Variants in PKNOX2 observed in about 807,000 individuals in gnomAD.
PKNOX2 encodes homeobox protein PKNOX2.
PKNOX2 carries 14 observed loss-of-function variants against 53.1 expected under a neutral mutation model. The observed-to-expected ratio is 0.26, with a 90% confidence interval of 0.17 to 0.41. The LOEUF (loss-of-function observed/expected upper bound fraction) is 0.41. PKNOX2 is among the 10% of genes least tolerant of loss of function. The pLI, the probability that PKNOX2 is intolerant of heterozygous loss-of-function variation, is 1.00. For missense variants in PKNOX2, 496 were observed against 602.8 expected (o/e 0.82, Z 1.85); for synonymous variants, 257 against 242.8 (o/e 1.06, Z -0.54).
rs1448538959 is a variant in PKNOX2, at chr11:125,430,142, G to A, written c.1192+1G>A. ...GGTGCCCCAGGGACAAACCCCGATG[G>A]TAAGAACTGGGGCTGAGTGCACCCT... On this transcript the variant is annotated splice_donor_variant, in intron 12 of 12. Coordinates refer to ENST00000298282, the MANE Select transcript of PKNOX2 (RefSeq NM_001382323.2). LOFTEE classifies it high-confidence loss of function. 1 of 1,613,710 alleles carries A rather than the reference G, an allele frequency of 6.2e-7. No homozygotes were observed. Among genetic ancestry groups the A allele is most frequent in the Non-Finnish European group, 8.5e-7 (1 of 1,179,776 alleles).
At chr11:125,207,968 CACTGAATGGAATTCTG>C (rs1939341711) in intron 1 of PKNOX2, among the ~76,000 whole-genome samples, 4 of 151,978 alleles carry the variant, frequency 2.6e-5, no homozygotes, top group Admixed American at 2.6e-4. Context: ...TTTTAAAATG[CACTGAATGGAATTCTG>C]TAATGAATGT....
Position 125,264,482 on chromosome 11 carries a change from C to T in PKNOX2, c.-130+29367C>T, listed in dbSNP as rs562066293. ...GATAGTGTCTCTTTAGGCCTAATAA[C>T]TGCAGGACTGGACGTTAGGGCTGGG... On this transcript the variant is annotated intron_variant, in intron 2 of 12. Coordinates refer to ENST00000298282, the MANE Select transcript of PKNOX2 (RefSeq NM_001382323.2). 2.3e-3 allele frequency among the ~76,000 whole-genome samples: 346 copies of T among 152,196 alleles called. 1 individual carries two copies. The highest frequency in any genetic ancestry group is 9.5e-3 in the South Asian group (46 of 4,820).
chr11:125,430,340 C>G (rs1317136153), intron 12 of PKNOX2, among the ~76,000 whole-genome samples, 199 bp downstream of exon 12: 1 of 152,218 alleles, frequency 6.6e-6, no homozygotes, highest in Admixed American at 6.5e-5. Context: ...GATGCACTCT[C>G]ATAAAGAAAA....
intron 1 of PKNOX2, among the ~76,000 whole-genome samples, chr11:125,195,837 G>C (rs368324120): frequency 6.6e-6 from 1 of 151,588 alleles, no homozygotes; most frequent in South Asian, 2.1e-4. Flanking sequence ...TGGCCTCCTT[G>C]AGGATCTGAT....
intron 1 of PKNOX2, among the ~76,000 whole-genome samples, chr11:125,197,747 A>G (rs1366826501): frequency 6.6e-6 from 1 of 152,148 alleles, no homozygotes; most frequent in Non-Finnish European, 1.5e-5. Context: ...GAAGACACAC[A>G]TCCCCCAGGG....
intron 6 of PKNOX2, among the ~76,000 whole-genome samples, chr11:125,391,679 C>T (rs1954059743): frequency 6.6e-6 from 1 of 152,188 alleles, no homozygotes; most frequent in Non-Finnish European, 1.5e-5. Context: ...TTTCCTGGGA[C>T]TGTGAGACTT....
At chr11:125,246,836 G>A (rs868864823) in intron 2 of PKNOX2, among the ~76,000 whole-genome samples, 65 of 152,236 alleles carry the variant, frequency 4.3e-4, no homozygotes, top group African/African-American at 1.5e-3. Flanking sequence ...TAGGGAGGCT[G>A]TGGAGATGAG....
At chr11:125,382,482 T>G (rs2135355642) in intron 5 of PKNOX2, among the ~76,000 whole-genome samples, 1 of 152,278 alleles carries the variant, frequency 6.6e-6, no homozygotes, top group South Asian at 2.1e-4. Flanking sequence ...GGTAATTTAG[T>G]GCCCTTGTAC....
At chr11:125,342,238 A>T (rs989065034) in intron 3 of PKNOX2, among the ~76,000 whole-genome samples, 1 of 151,956 alleles carries the variant, frequency 6.6e-6, no homozygotes, top group Non-Finnish European at 1.5e-5. Context: ...GACACAGTAC[A>T]GTCCTCAGAG....
Position 125,170,080 on chromosome 11 carries a change from G to A in PKNOX2, c.-201+5304G>A, listed in dbSNP as rs377181704. 3.6e-4 allele frequency among the ~76,000 whole-genome samples: 55 copies of A among 152,312 alleles called. No individual in the cohort carries two copies. In the East Asian group the frequency reaches 7.1e-3, roughly 20 times the overall value. Reference sequence around the variant, plus strand: ...ACTGGTGTGTGTGTGACATCTGGTCGGCTGAGGGGGTTGGGTGCTGGTCTG... The same window carrying A: ...ACTGGTGTGTGTGTGACATCTGGTCAGCTGAGGGGGTTGGGTGCTGGTCTG... On this transcript the variant is annotated intron_variant, in intron 1 of 12. Transcript: ENST00000298282.
chr11:125,325,742 G>A (rs1949786771), intron 2 of PKNOX2, among the ~76,000 whole-genome samples: 2 of 152,148 alleles, frequency 1.3e-5, no homozygotes, highest in Non-Finnish European at 2.9e-5. Flanking sequence ...TTTTACAGAA[G>A]TAGGAAAACC....
rs780911772 is a variant in PKNOX2 at position 125,166,849 on chromosome 11, C to CG, written c.-201+2076dup. On this transcript the variant is annotated intron_variant, in intron 1 of 12. Coordinates refer to ENST00000298282, the MANE Select transcript of PKNOX2 (RefSeq NM_001382323.2). This position sits in a 1 kb window ranked among gnomAD's most constrained non-coding sequence, Gnocchi z 4.0. ...CGGAGACTTCAGGATATTAGCTTTT[C>CG]GGGTTTCAAATGCTCTATAACCGGT... Among the ~76,000 whole-genome samples the CG allele has an allele frequency of 2.2e-4, 34 of 152,154 alleles. No homozygotes were observed. The highest frequency in any genetic ancestry group is 3.2e-4 in the Non-Finnish European group (22 of 68,036).
intron 3 of PKNOX2, among the ~76,000 whole-genome samples, chr11:125,338,555 G>T (rs1157499757): frequency 1.3e-5 from 2 of 152,154 alleles, no homozygotes; most frequent in Non-Finnish European, 2.9e-5. Flanking sequence ...CTCACATGCA[G>T]CACCCTGCCT....
intron 2 of PKNOX2, among the ~76,000 whole-genome samples, chr11:125,244,082 G>C (rs1943376958): frequency 6.6e-6 from 1 of 152,226 alleles, no homozygotes; most frequent in Admixed American, 6.5e-5. Context: ...CACAAGATTG[G>C]AGCTTCTGAA....
At chr11:125,364,457 C>A (rs528006611) in intron 4 of PKNOX2, among the ~76,000 whole-genome samples, 4 of 152,184 alleles carry the variant, frequency 2.6e-5, no homozygotes, top group African/African-American at 4.8e-5. Context: ...GCCTTCCCCC[C>A]ACACCTTTCC....
intron 5 of PKNOX2, among the ~76,000 whole-genome samples, chr11:125,379,726 G>T (rs1953098101): frequency 6.6e-6 from 1 of 152,136 alleles, no homozygotes; most frequent in East Asian, 1.9e-4. Flanking sequence ...CCCGGGGACA[G>T]CTGCACACAC....
chr11:125,416,509 T>C (rs1177593211), intron 10 of PKNOX2, among the ~76,000 whole-genome samples: 2 of 151,968 alleles, frequency 1.3e-5, no homozygotes, highest in Non-Finnish European at 2.9e-5. Flanking sequence ...CGACTCTTTT[T>C]GCACTCATAT....
chr11:125,334,921 A>C lies in PKNOX2; in HGVS notation c.-23+2996A>C, dbSNP rs186032747. Reference sequence around the variant, plus strand: ...GCCCAGACACTTAAGTTTTCTTACCATCATTGTCTTTCTGTAATTGTGGTA... The same window carrying C: ...GCCCAGACACTTAAGTTTTCTTACCCTCATTGTCTTTCTGTAATTGTGGTA... On this transcript the variant is annotated intron_variant, in intron 3 of 12. Coordinates refer to ENST00000298282, the MANE Select transcript of PKNOX2 (RefSeq NM_001382323.2). Among the ~76,000 whole-genome samples the C allele has an allele frequency of 1.4e-4, 22 of 152,180 alleles. No individual in the cohort carries two copies. The East Asian group carries it at 4.1e-3, about 28-fold the overall frequency.
chr11:125,243,073 T>C (rs1943282706), intron 2 of PKNOX2, among the ~76,000 whole-genome samples: 3 of 152,220 alleles, frequency 2.0e-5, no homozygotes, highest in Non-Finnish European at 2.9e-5. Flanking sequence ...TTAAAAGAGA[T>C]ATGTGAAAGT....
Sources: gnomAD v4.1 joint callset for allele counts (sites outside exome capture counted in the v4.1 genomes callset) on GRCh38, gnomAD v4.1.1 for gene constraint, Gnocchi (gnomAD v3.1) non-coding constraint, MANE v1.5 for transcripts, NCBI Gene and HGNC (gene_info 2026-07-23, HGNC 2026-07-21) for gene names.